MAP3K8: variants seen among roughly 807,000 people sequenced by gnomAD.
The protein encoded by MAP3K8 is mitogen-activated protein kinase kinase kinase 8.
MAP3K8 carries 22 observed loss-of-function variants against 45.8 expected under a neutral mutation model. That is an observed-to-expected ratio of 0.48 (90% CI 0.34 to 0.69). The LOEUF is 0.69. Ranked by LOEUF, MAP3K8 falls within the 30% of genes least tolerant of loss-of-function variation. The probability of loss-of-function intolerance (pLI) is 0.01; values close to 1 mark genes in which losing one functional copy is unlikely to be tolerated. For synonymous variants in MAP3K8, 223 were observed against 214.3 expected (o/e 1.04, Z -0.36); for missense variants, 419 against 585.0 (o/e 0.72, Z 2.93).
rs767778212 is a variant in MAP3K8, at chr10:30,459,365, C to T, written c.1137C>T (p.Ala379=). Residue 379 remains alanine (A), a synonymous_variant, in exon 8 of 9, where the codon GCC becomes GCT. Transcript: ENST00000263056. The part of the protein sequence containing the change: ...LERNPNHRPR[A]ADLLKHEALN... ...GAAACCCCAATCACCGCCCAAGAGC[C>T]GCAGACCTACTAAAACATGAGGCCC... 6.2e-6 allele frequency: 10 copies of T among 1,614,016 alleles called. No homozygotes were observed. Among genetic ancestry groups the T allele is most frequent in the Admixed American group, 1.7e-5 (1 of 59,998 alleles).
chr10:30,436,975 A>T (rs945332369), intron 1 of MAP3K8, among the ~76,000 whole-genome samples: 1 of 151,956 alleles, frequency 6.6e-6, no homozygotes, highest in Non-Finnish European at 1.5e-5. Context: ...CCGAAGTCAA[A>T]TGTTCCTCCA....
rs372877014 is a variant in MAP3K8 at position 30,460,746 on chromosome 10, C to T, written c.1314C>T (p.Leu438=). ...CTGSTEESEM[L]KRQRSLYIDL... is the part of the protein sequence containing the mutation. The stretch of plus-strand genomic sequence containing the variant: ...GAAGCACCGAGGAATCTGAGATGCT[C>T]AAGAGGCAACGCTCTCTCTACATCG... Residue 438 remains leucine (L), a synonymous_variant, in exon 9 of 9, where the codon CTC becomes CTT. Coordinates refer to ENST00000263056, the MANE Select transcript of MAP3K8 (RefSeq NM_005204.4). 52 of 1,613,440 alleles carry T rather than the reference C, an allele frequency of 3.2e-5. No homozygotes were observed. Among genetic ancestry groups the T allele is most frequent in the Non-Finnish European group, 4.1e-5 (48 of 1,179,796 alleles).
In MAP3K8 at chr10:30,459,583, G is replaced by A. The variant is rs1836862676; in HGVS notation, c.1273+82G>A. 2.6e-5 allele frequency: 40 copies of A among 1,516,848 alleles called. 1 individual carries two copies. The South Asian group carries it at 4.5e-4, about 17-fold the overall frequency. 94.0% of individuals were successfully genotyped at this position (1,516,848 alleles called of 1,614,324 possible). ...CAAACCTCTGATGTAGTTCATGAAA[G>A]CACTTGGAAAAAAAGGAAATGACTT... On this transcript the variant is annotated intron_variant, in intron 8 of 8. Transcript: ENST00000263056.
intron 1 of MAP3K8, among the ~76,000 whole-genome samples, chr10:30,435,549 T>C (rs147652277): frequency 6.8e-6 from 1 of 146,882 alleles, no homozygotes; most frequent in African/African-American, 2.7e-5. Flanking sequence ...TATATGTATA[T>C]ATAATTTTTA....
intron 8 of MAP3K8, among the ~76,000 whole-genome samples, 153 bp from the exon 9 acceptor site, chr10:30,460,553 A>T (rs1164782749): frequency 6.6e-6 from 1 of 152,226 alleles, no homozygotes; most frequent in African/African-American, 2.4e-5. Context: ...ATGTCATATT[A>T]TGTGAACTTA....
intron 1 of MAP3K8, chr10:30,434,591 C>T: frequency 6.1e-6 from 6 of 986,002 alleles, no homozygotes; most frequent in African/African-American, 1.7e-5. Context: ...TCACGGGGTG[C>T]AGACTCGCGA....
At position 30,451,712 on chromosome 10, in the gene MAP3K8, G is replaced by T; in HGVS notation, c.841G>T (p.Val281Phe). ...CCTAAGTGTTCAAATGACCGAAGAT[G>T]TCTATTTTCCTAAGGACCTCCGAGG... ...FGLSVQMTED[V>F]YFPKDLRGTE... Residue 281 changes from valine (V) to phenylalanine (F), a missense_variant, in exon 6 of 9, where the codon GTC becomes TTC. Physicochemically the swap from Val to Phe is conservative, Grantham distance 50. This residue lies in a region of MAP3K8 where 209 missense variants were observed against 367.3 expected (regional missense o/e 0.57). Coordinates refer to ENST00000263056, the MANE Select transcript of MAP3K8 (RefSeq NM_005204.4). 6.3e-7 allele frequency: 1 copy of T among 1,592,664 alleles called. No homozygotes were observed. The highest frequency in any genetic ancestry group is 8.6e-7 in the Non-Finnish European group (1 of 1,167,016).
At chr10:30,439,410 A>G in intron 3 of MAP3K8, 136 bp downstream of exon 3, 2 of 1,411,636 alleles carry the variant, frequency 1.4e-6, no homozygotes, top group South Asian at 1.6e-5. Context: ...CATCAGTAAG[A>G]AGTACTTCCA....
intron 4 of MAP3K8, among the ~76,000 whole-genome samples, chr10:30,448,434 T>C (rs1836421591): frequency 6.7e-6 from 1 of 149,326 alleles, no homozygotes; most frequent in Non-Finnish European, 1.5e-5. Flanking sequence ...TTATTATTAT[T>C]ATTATTATTA....
intron 2 of MAP3K8, 131 bp from the exon 3 acceptor site, chr10:30,438,785 T>G (rs545856460): frequency 1.7e-6 from 1 of 597,576 alleles, no homozygotes; most frequent in Admixed American, 3.0e-5. Context: ...TACACACAGT[T>G]GACACAGAAC....
At chr10:30,436,450 C>T (rs1835910928) in intron 1 of MAP3K8, among the ~76,000 whole-genome samples, 1 of 152,122 alleles carries the variant, frequency 6.6e-6, no homozygotes, top group Non-Finnish European at 1.5e-5. Context: ...CACTCCTCCA[C>T]CTCCCGGGTC....
intron 3 of MAP3K8, chr10:30,439,630 T>G (rs1466361172): frequency 1.1e-5 from 4 of 350,108 alleles, no homozygotes; most frequent in African/African-American, 8.3e-5. Flanking sequence ...GCCAACATGG[T>G]GAAACCCCGT....
At chr10:30,434,675 C>T in intron 1 of MAP3K8, 1 of 985,532 alleles carries the variant, frequency 1.0e-6, no homozygotes, top group African/African-American at 1.7e-5. Flanking sequence ...CGCGGGGAAG[C>T]GGGGACCCGC....
chr10:30,459,355 G>A lies in MAP3K8; in HGVS notation c.1127G>A (p.Arg376His). 5 of 1,614,124 alleles carry A rather than the reference G, an allele frequency of 3.1e-6. No individual in the cohort carries two copies. The highest frequency in any genetic ancestry group is 4.2e-6 in the Non-Finnish European group (5 of 1,180,028). The change falls in exon 8 of 9, where the codon CGC (arginine) becomes CAC (histidine). Residue 376 changes from arginine to histidine, a missense_variant. This residue lies in a region of MAP3K8 where 108 missense variants were observed against 124.2 expected (regional missense o/e 0.87). Coordinates refer to ENST00000263056, the MANE Select transcript of MAP3K8 (RefSeq NM_005204.4). Reference sequence around the variant, plus strand: ...TCCCTGGAGAGAAACCCCAATCACCGCCCAAGAGCCGCAGACCTACTAAAA... The same window carrying A: ...TCCCTGGAGAGAAACCCCAATCACCACCCAAGAGCCGCAGACCTACTAAAA... ...EASLERNPNH[R>H]PRAADLLKHE...
intron 3 of MAP3K8, among the ~76,000 whole-genome samples, chr10:30,442,498 C>T (rs1462212532): frequency 2.6e-5 from 4 of 152,196 alleles, no homozygotes; most frequent in African/African-American, 9.7e-5. Context: ...CCAGGAATTA[C>T]AAAAGCATCC....
intron 3 of MAP3K8, 159 bp downstream of exon 3, chr10:30,439,433 A>G: frequency 1.1e-6 from 1 of 918,764 alleles, no homozygotes; most frequent in Non-Finnish European, 1.5e-6. Context: ...TTAAAGATGC[A>G]AAAAAAAAAG....
At position 30,450,432 on chromosome 10, in the gene MAP3K8, G is replaced by A. The variant is rs2132813358; in HGVS notation, c.679G>A (p.Glu227Lys). Residue 227 changes from glutamate to lysine, a missense_variant, in exon 5 of 9, where the codon GAA becomes AAA. Physicochemically the swap from Glu to Lys is moderately conservative, Grantham distance 56. Around this residue, in one of 3 missense-constraint regions of MAP3K8, gnomAD observed 209 missense variants for 367.3 expected, o/e 0.57. Coordinates refer to ENST00000263056, the MANE Select transcript of MAP3K8 (RefSeq NM_005204.4). ...EKLESCGPMR[E>K]FEIIWVTKHV... ...ACTGGAGAGCTGTGGACCAATGAGA[G>A]AATTTGAAATTATTTGGGTGACAAA... The A allele has an allele frequency of 1.2e-6, 2 of 1,614,134 alleles. No individual in the cohort carries two copies. The highest frequency in any genetic ancestry group is 2.2e-5 in the East Asian group (1 of 44,876).
intron 6 of MAP3K8, among the ~76,000 whole-genome samples, chr10:30,455,916 G>A (rs1209068969): frequency 6.6e-6 from 1 of 152,190 alleles, no homozygotes; most frequent in Non-Finnish European, 1.5e-5. Flanking sequence ...TAGAGCTTGA[G>A]GAACAAGAGC....
At chr10:30,438,319 T>A (rs902237796) in intron 2 of MAP3K8, among the ~76,000 whole-genome samples, 1 of 152,242 alleles carries the variant, frequency 6.6e-6, no homozygotes, top group Non-Finnish European at 1.5e-5. Context: ...GCTGTTTAAC[T>A]CATTTGCATA....
Sources: gnomAD v4.1 joint callset for allele counts (sites outside exome capture counted in the v4.1 genomes callset) on GRCh38, gnomAD v4.1.1 for gene constraint, gnomAD v4.1.1 regional missense constraint, MANE v1.5 for transcripts, NCBI Gene and HGNC (gene_info 2026-07-23, HGNC 2026-07-21) for gene names.